The following CSNK1G1 variants were observed in gnomAD, a reference collection of about 807,000 sequenced individuals.
CSNK1G1 encodes the protein casein kinase I isoform gamma-1.
Under a neutral mutation model 59.6 loss-of-function variants are expected in CSNK1G1, and 22 were observed. The ratio of observed to expected loss-of-function variants is 0.37; its 90% CI spans 0.26 to 0.53. The LOEUF (loss-of-function observed/expected upper bound fraction) is 0.53, where lower values mean the gene tolerates loss of function less well. Among genes scored for constraint, CSNK1G1 ranks in the 20% least tolerant of loss-of-function variants. The pLI is 0.89. For missense variants in CSNK1G1, 384 were observed against 519.5 expected, an observed-to-expected ratio of 0.74 and a Z score of 2.54; for synonymous variants, 179 against 177.1, an observed-to-expected ratio of 1.01 and a Z score of -0.08.
chr15:64,193,818 A>G (rs1291338662), intron 10 of CSNK1G1: 2 of 152,172 alleles, frequency 1.3e-5, no homozygotes, highest in African/African-American at 4.8e-5. Flanking sequence ...CAATGGTGTA[A>G]GATACCTCCC....
chr15:64,312,913 AAAAC>A (rs1421601716), intron 1 of CSNK1G1, among the ~76,000 whole-genome samples: 2 of 152,252 alleles, frequency 1.3e-5, no homozygotes, highest in African/African-American at 2.4e-5. Flanking sequence ...TTACAAGAAA[AAAAC>A]AAACAACCCC....
chr15:64,189,224 T>C lies in CSNK1G1; in HGVS notation c.1108-8770A>G, dbSNP rs556013407. 2.5e-4 allele frequency: 117 copies of C among 470,666 alleles called. No individual in the cohort carries two copies. In the Middle Eastern group the frequency reaches 9.1e-3, roughly 37 times the overall value. The allele number at this position is 470,666 out of a possible 1,614,324, so 29.2% of individuals were successfully genotyped here. ...GACTGAATTAGAAAAAGTTTACTTA[T>C]TAATATGATACTATGAATTATTTTC... On this transcript the variant is annotated intron_variant, in intron 10 of 11. Transcript: ENST00000303052.
chr15:64,272,337 T>A (rs1419267467), intron 2 of CSNK1G1, among the ~76,000 whole-genome samples: 1 of 152,012 alleles, frequency 6.6e-6, no homozygotes. Flanking sequence ...TGCCTCAGCC[T>A]CCTCAGTAGC....
chr15:64,352,980 T>C (rs1898400362), intron 1 of CSNK1G1, among the ~76,000 whole-genome samples: 1 of 151,864 alleles, frequency 6.6e-6, no homozygotes, highest in African/African-American at 2.4e-5. Flanking sequence ...TTCCAGCTAC[T>C]CAGGAAGCTG....
At chr15:64,273,135 T>G (rs987313847) in intron 2 of CSNK1G1, among the ~76,000 whole-genome samples, 1 of 152,198 alleles carries the variant, frequency 6.6e-6, no homozygotes, top group African/African-American at 2.4e-5. Flanking sequence ...TATTTCAAGA[T>G]AGCTAGACAA....
chr15:64,217,686 C>G (rs192538617), intron 4 of CSNK1G1, among the ~76,000 whole-genome samples: 4 of 151,806 alleles, frequency 2.6e-5, no homozygotes, highest in African/African-American at 9.7e-5. Context: ...CATGGTGGCA[C>G]GCACCTATAG....
rs578246266 is a variant in CSNK1G1, at chr15:64,332,676, A to G, written c.-225+23312T>C. On this transcript the variant is annotated intron_variant, in intron 1 of 11. Coordinates refer to ENST00000303052, the MANE Select transcript of CSNK1G1 (RefSeq NM_022048.5). The stretch of plus-strand genomic sequence containing the variant: ...GTACCCTAAAACTTAAAGTATAATT[A>G]AAAATAAAATAAAATAAAATAAAAA... Among the ~76,000 whole-genome samples, 11 of 144,330 alleles carry G rather than the reference A, an allele frequency of 7.6e-5. No individual in the cohort carries two copies. In the East Asian group the frequency reaches 2.3e-3, roughly 30 times the overall value. The allele number at this position is 144,330 out of a possible 152,430, so 94.7% of individuals were successfully genotyped here. A position where few individuals can be genotyped will look rare whatever the true frequency, so the allele number is the denominator to read the frequency against.
At chr15:64,203,233 A>C in intron 9 of CSNK1G1, 44 bp from the exon 10 acceptor site, 1 of 1,210,856 alleles carries the variant, frequency 8.3e-7, no homozygotes, top group Non-Finnish European at 1.2e-6. Context: ...AACAGGTCCA[A>C]CTTGATGCAT....
Position 64,204,472 on chromosome 15 carries a change from T to C in CSNK1G1, c.968A>G (p.Asp323Gly). ...DLFEKKGYTF[D>G]YAYDWVGRPI... is the part of the protein sequence containing the mutation. ...TCTCCCAACCCAATCATAGGCATAG[T>C]CAAAGGTGTAGCCTTTCTTTTCAAA... The change falls in exon 9 of 12, where the codon GAC (aspartate) becomes GGC (glycine). Residue 323 changes from aspartate (D) to glycine (G), a missense_variant. Around this residue, in one of 3 missense-constraint regions of CSNK1G1, gnomAD observed 325 missense variants for 440.9 expected, o/e 0.74. Transcript: ENST00000303052. The C allele has an allele frequency of 6.2e-7, 1 of 1,610,286 alleles. No homozygotes were observed. Among genetic ancestry groups the C allele is most frequent in the Non-Finnish European group, 8.5e-7 (1 of 1,178,852 alleles).
chr15:64,165,960 T>C lies in CSNK1G1; in HGVS notation c.*5971A>G. ...ATTTTCCTAATGGTGCACAAATATC[T>C]CTCCTGGAGGAACCATTTCAAATAC... On this transcript the variant is annotated 3_prime_UTR_variant, in exon 12 of 12. Transcript: ENST00000303052. 1 of 629,706 alleles carries C rather than the reference T, an allele frequency of 1.6e-6. No individual in the cohort carries two copies. The highest frequency in any genetic ancestry group is 3.0e-5 in the Admixed American group (1 of 33,626). The allele number at this position is 629,706 out of a possible 1,614,324, so 39.0% of individuals were successfully genotyped here.
At chr15:64,321,260 T>G (rs1265876074) in intron 1 of CSNK1G1, among the ~76,000 whole-genome samples, 1 of 146,554 alleles carries the variant, frequency 6.8e-6, no homozygotes, top group East Asian at 2.0e-4. Context: ...TTTTTTTCCT[T>G]TTTTTTTTTT....
intron 4 of CSNK1G1, among the ~76,000 whole-genome samples, chr15:64,219,883 C>T (rs562688068): frequency 6.7e-6 from 1 of 150,266 alleles, no homozygotes; most frequent in Non-Finnish European, 1.5e-5. Context: ...AAGTGATTCT[C>T]GTGCCTCGGC....
intron 10 of CSNK1G1, among the ~76,000 whole-genome samples, chr15:64,192,304 G>A (rs955288195): frequency 1.7e-4 from 26 of 152,210 alleles, no homozygotes; most frequent in Admixed American, 6.5e-4. Context: ...CCCAAAGCAG[G>A]AGCAGGAATC....
At chr15:64,201,268 T>A in intron 10 of CSNK1G1, among the ~76,000 whole-genome samples, 1 of 105,040 alleles carries the variant, frequency 9.5e-6, no homozygotes. Flanking sequence ...CAAGACACTG[T>A]CTCAAAAAAA....
intron 1 of CSNK1G1, among the ~76,000 whole-genome samples, chr15:64,323,580 G>A (rs1042584310): frequency 5.3e-5 from 8 of 151,962 alleles, no homozygotes; most frequent in African/African-American, 1.9e-4. Flanking sequence ...GGTCAGGCTG[G>A]TCTCAAACTC....
At chr15:64,224,470 G>A (rs59190688) in intron 4 of CSNK1G1, among the ~76,000 whole-genome samples, 29,265 of 152,054 alleles carry the variant, frequency 0.19, 3,883 homozygotes, top group African/African-American at 0.38. Flanking sequence ...ATAAACCCAT[G>A]AAACAATGCA....
chr15:64,216,505 C>T lies in CSNK1G1; in HGVS notation c.444+57G>A. On this transcript the variant is annotated intron_variant, in intron 5 of 11. Transcript: ENST00000303052. The surrounding 1 kb of genome is among the most constrained non-coding windows in gnomAD (Gnocchi z 4.6). ...GGCTAGTAAATCACCAAAAGGCCCA[C>T]AAGGATGTGGCTGAGGAACCAGCTT... is the stretch of plus-strand genomic sequence containing the variant. 1 of 1,557,128 alleles carries T rather than the reference C, an allele frequency of 6.4e-7. No individual in the cohort carries two copies.
chr15:64,207,417 C>G, intron 7 of CSNK1G1, 92 bp downstream of exon 7: 1 of 933,048 alleles, frequency 1.1e-6, no homozygotes, highest in Non-Finnish European at 1.7e-6. Context: ...GGCCAGCCCC[C>G]TACACATTTC....
intron 1 of CSNK1G1, among the ~76,000 whole-genome samples, chr15:64,349,227 G>A (rs1239131258): frequency 2.6e-5 from 4 of 152,020 alleles, no homozygotes; most frequent in East Asian, 1.9e-4. Flanking sequence ...AGGCTAAGGA[G>A]TTAGAATGTA....
Sources: gnomAD v4.1 joint callset for allele counts (sites outside exome capture counted in the v4.1 genomes callset) on GRCh38, gnomAD v4.1.1 for gene constraint, gnomAD v4.1.1 regional missense constraint, Gnocchi (gnomAD v3.1) non-coding constraint, MANE v1.5 for transcripts, NCBI Gene and HGNC (gene_info 2026-07-23, HGNC 2026-07-21) for gene names.